CMSS1: variants seen among roughly 807,000 people sequenced by gnomAD.
The protein encoded by CMSS1 is cms1 ribosomal small subunit homolog, also known as protein CMSS1.
Under a neutral mutation model 43.5 loss-of-function variants are expected in CMSS1, and 33 were observed. That is an observed-to-expected ratio of 0.76 (90% CI 0.57 to 1.01). The LOEUF is 1.01. Among genes scored for constraint, CMSS1 ranks in the 50% least tolerant of loss-of-function variants. The pLI, the probability that CMSS1 is intolerant of heterozygous loss-of-function variation, is 0.00. For missense variants in CMSS1, 313 were observed against 326.4 expected, an observed-to-expected ratio of 0.96 and a Z score of 0.32; for synonymous variants, 115 against 117.2, an observed-to-expected ratio of 0.98 and a Z score of 0.12.
intron 1 of CMSS1, among the ~76,000 whole-genome samples, chr3:100,045,658 C>T (rs1338714048): frequency 1.3e-5 from 2 of 152,192 alleles, no homozygotes; most frequent in African/African-American, 4.8e-5. Context: ...ATTGCTGCTG[C>T]AGTGACTGAT....
At chr3:100,000,586 A>G (rs1365412125) in intron 1 of CMSS1, among the ~76,000 whole-genome samples, 2 of 152,346 alleles carry the variant, frequency 1.3e-5, no homozygotes, top group South Asian at 2.1e-4. Flanking sequence ...GCAGTAGCTT[A>G]TGGCTGTAAT....
intron 1 of CMSS1, among the ~76,000 whole-genome samples, chr3:100,067,161 G>T (rs563572938): frequency 2.1e-5 from 3 of 140,674 alleles, no homozygotes; most frequent in East Asian, 4.5e-4. Context: ...CTATGTTTTT[G>T]ATCTCGTTTG....
At chr3:99,875,308 A>C (rs1360110396) in intron 1 of CMSS1, among the ~76,000 whole-genome samples, 2 of 152,198 alleles carry the variant, frequency 1.3e-5, no homozygotes, top group African/African-American at 4.8e-5. Flanking sequence ...TATGGTTTAA[A>C]ATGTTACTGA....
At chr3:100,130,653 T>C (rs2066699109) in intron 1 of CMSS1, among the ~76,000 whole-genome samples, 1 of 152,120 alleles carries the variant, frequency 6.6e-6, no homozygotes, top group African/African-American at 2.4e-5. Context: ...TGGCCACCTG[T>C]TTTTGTATGG....
intron 1 of CMSS1, among the ~76,000 whole-genome samples, chr3:99,865,125 G>A (rs1180638987): frequency 6.6e-6 from 1 of 152,094 alleles, no homozygotes; most frequent in African/African-American, 2.4e-5. Context: ...TATAGTCTAG[G>A]AATAACAGCT....
At chr3:100,088,306 T>C (rs2066047459) in intron 1 of CMSS1, among the ~76,000 whole-genome samples, 2 of 152,080 alleles carry the variant, frequency 1.3e-5, no homozygotes, top group South Asian at 4.1e-4. Flanking sequence ...ATTTCAGAAG[T>C]TAATATAGGT....
intron 1 of CMSS1, among the ~76,000 whole-genome samples, chr3:100,052,855 G>A (rs77340489): frequency 0.025 from 3,812 of 152,252 alleles, 65 homozygotes; most frequent in Middle Eastern, 0.051. Flanking sequence ...TTTTAAATAT[G>A]TAAATATCCT....
chr3:100,086,130 G>A (rs555458861), intron 1 of CMSS1, among the ~76,000 whole-genome samples: 16 of 152,274 alleles, frequency 1.1e-4, no homozygotes, highest in Middle Eastern at 3.4e-3. Context: ...TTTCTGCAGC[G>A]AACCTGCATA....
At chr3:99,876,411 G>A (rs1251277007) in intron 1 of CMSS1, among the ~76,000 whole-genome samples, 3 of 152,196 alleles carry the variant, frequency 2.0e-5, no homozygotes, top group African/African-American at 7.2e-5. Flanking sequence ...GGGCGCCGGC[G>A]CCCTCCTGTC....
At chr3:100,077,447 A>G (rs568942800) in intron 1 of CMSS1, among the ~76,000 whole-genome samples, 165 of 152,364 alleles carry the variant, frequency 1.1e-3, no homozygotes, top group African/African-American at 3.9e-3. Flanking sequence ...CTATTAAGCC[A>G]TGGCTGGATT....
chr3:99,836,171 T>A (rs967185923), intron 1 of CMSS1, among the ~76,000 whole-genome samples: 8 of 152,162 alleles, frequency 5.3e-5, no homozygotes, highest in African/African-American at 1.9e-4. Flanking sequence ...TGTAGTAGAT[T>A]AACTATCTTA....
At chr3:99,996,952 G>A (rs546485651) in intron 1 of CMSS1, among the ~76,000 whole-genome samples, 2 of 152,248 alleles carry the variant, frequency 1.3e-5, no homozygotes, top group African/African-American at 4.8e-5. Flanking sequence ...CGAAACAAAT[G>A]AAAATGAAAA....
chr3:99,904,875 T>C (rs1706560970), intron 1 of CMSS1, among the ~76,000 whole-genome samples: 1 of 152,200 alleles, frequency 6.6e-6, no homozygotes, highest in Admixed American at 6.5e-5. Flanking sequence ...GCAAACCTCT[T>C]GAAGGAGTAT....
At chr3:100,143,871 A>G (rs1425969484) in intron 1 of CMSS1, among the ~76,000 whole-genome samples, 1 of 151,958 alleles carries the variant, frequency 6.6e-6, no homozygotes, top group East Asian at 1.9e-4. Context: ...TGAAATTAAT[A>G]TTGCCACTCT....
chr3:99,870,942 C>T (rs1318900672), intron 1 of CMSS1, among the ~76,000 whole-genome samples: 1 of 152,124 alleles, frequency 6.6e-6, no homozygotes, highest in African/African-American at 2.4e-5. Flanking sequence ...TGTGTTCTTC[C>T]ATATTTTGCT....
intron 1 of CMSS1, among the ~76,000 whole-genome samples, chr3:99,829,561 T>C (rs960309379): frequency 3.9e-5 from 6 of 152,228 alleles, no homozygotes; most frequent in African/African-American, 1.4e-4. Flanking sequence ...CTTAGATTGA[T>C]GAATGCAAAG....
At chr3:99,916,437 TAC>T (rs10529210) in intron 1 of CMSS1, among the ~76,000 whole-genome samples, 9,262 of 136,958 alleles carry the variant, frequency 0.068, 307 homozygotes, top group Middle Eastern at 0.083. Context: ...TAACGGTTTA[TAC>T]ACACACACAC....
intron 1 of CMSS1, among the ~76,000 whole-genome samples, chr3:99,840,258 C>G (rs182776714): frequency 8.3e-6 from 1 of 120,682 alleles, no homozygotes; most frequent in Admixed American, 1.0e-4. Context: ...CAGCCTTGCT[C>G]TGTCGCCCAG....
intron 1 of CMSS1, among the ~76,000 whole-genome samples, chr3:100,122,143 T>C (rs1205970344): frequency 6.6e-6 from 1 of 152,188 alleles, no homozygotes; most frequent in African/African-American, 2.4e-5. Context: ...AGGGAAAAGT[T>C]TGGGCCTATA....
Sources: allele counts gnomAD v4.1 joint callset (sites outside exome capture counted in the v4.1 genomes callset), GRCh38; gene constraint gnomAD v4.1.1; transcripts MANE v1.5; gene names NCBI Gene and HGNC (gene_info 2026-07-23, HGNC 2026-07-21).